EXOC6B: variants seen among roughly 807,000 people sequenced by gnomAD.
EXOC6B encodes the protein SEC15 homolog B.
A neutral mutation model predicts 113.5 loss-of-function variants in EXOC6B; 54 were observed. The observed-to-expected ratio is 0.48, with a 90% CI of 0.38 to 0.60. EXOC6B has a LOEUF of 0.60. Among genes scored for constraint, EXOC6B ranks in the 20% least tolerant of loss-of-function variants. The probability of loss-of-function intolerance (pLI) is 0.00; values close to 1 mark genes in which losing one functional copy is unlikely to be tolerated. For missense variants in EXOC6B, 797 were observed against 977.5 expected (o/e 0.82, Z 2.46); for synonymous variants, 357 against 339.0 (o/e 1.05, Z -0.58).
At chr2:72,765,624 G>A (rs1057195275) in intron 1 of EXOC6B, among the ~76,000 whole-genome samples, 8 of 152,126 alleles carry the variant, frequency 5.3e-5, no homozygotes, top group Non-Finnish European at 1.0e-4. Context: ...TGTGAGCCGA[G>A]ATTGCGCCAT....
intron 10 of EXOC6B, among the ~76,000 whole-genome samples, chr2:72,513,535 G>A (rs1478060908): frequency 6.6e-6 from 1 of 151,792 alleles, no homozygotes; most frequent in Non-Finnish European, 1.5e-5. Context: ...TAAAAGAGAG[G>A]AAAATGTGTA....
At chr2:72,319,826 G>A (rs1687744237) in intron 20 of EXOC6B, among the ~76,000 whole-genome samples, 1 of 150,974 alleles carries the variant, frequency 6.6e-6, no homozygotes, top group East Asian at 1.9e-4. Flanking sequence ...TAATCCTAAT[G>A]AAAATATCAG....
intron 2 of EXOC6B, among the ~76,000 whole-genome samples, chr2:72,740,965 G>A (rs1320183782): frequency 6.6e-5 from 10 of 152,092 alleles, no homozygotes; most frequent in African/African-American, 2.4e-4. Flanking sequence ...TTAGCCGGGC[G>A]TGGTGGTGGG....
chr2:72,403,926 G>A lies in EXOC6B; in HGVS notation c.1981-24056C>T, dbSNP rs541508815. ...CAGGGCAAGGCATCGCCTCACCCAG[G>A]AAGTGCAAGGGGTCAGGGAATTCCC... On this transcript the variant is annotated intron_variant, in intron 18 of 21. Coordinates refer to ENST00000272427, the MANE Select transcript of EXOC6B (RefSeq NM_015189.3). Among the ~76,000 whole-genome samples, 20 of 152,270 alleles carry A rather than the reference G, an allele frequency of 1.3e-4. 1 individual carries two copies. Among genetic ancestry groups the A allele is most frequent in the African/African-American group, 4.3e-4 (18 of 41,550 alleles).
intron 1 of EXOC6B, among the ~76,000 whole-genome samples, chr2:72,789,795 G>T (rs1338225531): frequency 6.6e-6 from 1 of 152,058 alleles, no homozygotes; most frequent in African/African-American, 2.4e-5. Flanking sequence ...TTGAATCTAG[G>T]TGATTGTTCT....
chr2:72,648,671 T>C (rs1673927578), intron 6 of EXOC6B, among the ~76,000 whole-genome samples: 1 of 151,902 alleles, frequency 6.6e-6, no homozygotes, highest in Non-Finnish European at 1.5e-5. Context: ...AACAGACAAA[T>C]AGATAAAGAA....
rs1045946032 is a variant in EXOC6B at position 72,459,936 on chromosome 2, T to C, written c.1980+5224A>G. Among the ~76,000 whole-genome samples the C allele has an allele frequency of 6.1e-4, 93 of 152,230 alleles. 2 individuals carry two copies. The highest frequency in any genetic ancestry group is 1.5e-3 in the African/African-American group (62 of 41,566). On this transcript the variant is annotated intron_variant, in intron 18 of 21. Coordinates refer to ENST00000272427, the MANE Select transcript of EXOC6B (RefSeq NM_015189.3). Reference sequence around the variant, plus strand: ...CAAAAGAACAAAGCTGGAGGCATCATGCTACCTGACTTCAAACCATACTAT... The same window carrying C: ...CAAAAGAACAAAGCTGGAGGCATCACGCTACCTGACTTCAAACCATACTAT...
At chr2:72,503,756 T>C (rs1241116644) in intron 11 of EXOC6B, among the ~76,000 whole-genome samples, 1 of 152,180 alleles carries the variant, frequency 6.6e-6, no homozygotes, top group African/African-American at 2.4e-5. Flanking sequence ...TTTCATTTTA[T>C]AAAAAACTGT....
rs943679310 is a variant in EXOC6B, at chr2:72,177,165, C to A, written c.*2170G>T. ...TGTCTTGAGCTTGAATAAGCTTTTC[C>A]TTTCATGGGACTTCTGTGCAGAATA... On this transcript the variant is annotated 3_prime_UTR_variant, in exon 22 of 22. Transcript: ENST00000272427. 11 of 152,186 alleles carry A rather than the reference C, an allele frequency of 7.2e-5. No individual in the cohort carries two copies. The highest frequency in any genetic ancestry group is 2.7e-4 in the African/African-American group (11 of 41,440). 9.4% of individuals were successfully genotyped at this position (152,186 alleles called of 1,614,324 possible). A position where few individuals can be genotyped will look rare whatever the true frequency, so the allele number is the denominator to read the frequency against.
intron 6 of EXOC6B, among the ~76,000 whole-genome samples, chr2:72,715,094 G>A (rs532282852): frequency 1.1e-3 from 171 of 152,094 alleles, no homozygotes; most frequent in Non-Finnish European, 1.9e-3. Flanking sequence ...GTGAAGCCCC[G>A]TCTCTACTAA....
Position 72,741,473 on chromosome 2 carries a change from T to TA in EXOC6B, c.114-5dup, listed in dbSNP as rs751447961. ...TTCTTCACCATCATAAACAGACCTT[T>TA]AAAAAAAAATGGCACGAAGATTATA... On this transcript the variant is annotated splice_region_variant and splice_polypyrimidine_tract_variant and intron_variant, in intron 1 of 21. Transcript: ENST00000272427. 2.0e-4 allele frequency: 305 copies of TA among 1,555,700 alleles called. 1 individual carries two copies. Among genetic ancestry groups the TA allele is most frequent in the East Asian group, 2.0e-3 (85 of 43,428 alleles).
At position 72,825,766 on chromosome 2, in the gene EXOC6B, C is replaced by T. The variant is rs2105197877; in HGVS notation, c.113+32G>A. Reference sequence around the variant, plus strand: ...GGAGCCTGCCCCGTCCCGCCCGTTCCCGCCCCTCTGTGGTCCCGGCACCCG... The same window carrying T: ...GGAGCCTGCCCCGTCCCGCCCGTTCTCGCCCCTCTGTGGTCCCGGCACCCG... On this transcript the variant is annotated intron_variant, in intron 1 of 21. Transcript: ENST00000272427. This position sits in a 1 kb window ranked among gnomAD's most constrained non-coding sequence, Gnocchi z 4.4. 6.2e-7 allele frequency: 1 copy of T among 1,604,770 alleles called. No individual in the cohort carries two copies. Among genetic ancestry groups the T allele is most frequent in the African/African-American group, 1.3e-5 (1 of 74,940 alleles).
chr2:72,749,141 T>C (rs1480806566), intron 1 of EXOC6B, among the ~76,000 whole-genome samples: 1 of 152,086 alleles, frequency 6.6e-6, no homozygotes. Context: ...AGTTAGATCA[T>C]GAATGTTGCT....
At chr2:72,672,156 C>G (rs565597462) in intron 6 of EXOC6B, among the ~76,000 whole-genome samples, 176 of 130,824 alleles carry the variant, frequency 1.3e-3, no homozygotes, top group Non-Finnish European at 2.3e-3. Context: ...AAACTAAGAA[C>G]AGAACTACCA....
intron 6 of EXOC6B, among the ~76,000 whole-genome samples, chr2:72,624,364 G>A (rs1451349284): frequency 9.2e-5 from 14 of 152,258 alleles, no homozygotes; most frequent in Admixed American, 7.8e-4. Flanking sequence ...CTCCCAAAGT[G>A]TTGGGATTAT....
At chr2:72,347,816 A>G (rs1689423083) in intron 19 of EXOC6B, among the ~76,000 whole-genome samples, 1 of 152,164 alleles carries the variant, frequency 6.6e-6, no homozygotes, top group African/African-American at 2.4e-5. Flanking sequence ...TCTAGATGAC[A>G]TTGATTATAA....
chr2:72,531,944 C>T (rs959613108), intron 8 of EXOC6B, among the ~76,000 whole-genome samples: 16 of 151,938 alleles, frequency 1.1e-4, no homozygotes, highest in African/African-American at 3.9e-4. Flanking sequence ...AAGATTGTGC[C>T]ATTGCACTCC....
chr2:72,323,122 GAAAC>G (rs1427215354), intron 20 of EXOC6B, among the ~76,000 whole-genome samples: 1 of 151,092 alleles, frequency 6.6e-6, no homozygotes, highest in Non-Finnish European at 1.5e-5. Flanking sequence ...AATCTACAAA[GAAAC>G]AAATTTACAA....
At chr2:72,492,134 A>T (rs912327383) in intron 16 of EXOC6B, among the ~76,000 whole-genome samples, 184 bp downstream of exon 16, 3 of 152,212 alleles carry the variant, frequency 2.0e-5, no homozygotes, top group Non-Finnish European at 4.4e-5. Context: ...TTTTTAGAAA[A>T]AAATAAATAA....
Sources: gnomAD v4.1 joint callset for allele counts (sites outside exome capture counted in the v4.1 genomes callset) on GRCh38, gnomAD v4.1.1 for gene constraint, Gnocchi (gnomAD v3.1) non-coding constraint, MANE v1.5 for transcripts, NCBI Gene and HGNC (gene_info 2026-07-23, HGNC 2026-07-21) for gene names.